The following KIAA0825 variants were observed in gnomAD, a reference collection of about 807,000 sequenced individuals.
The protein encoded by KIAA0825 is uncharacterized protein KIAA0825.
Under a neutral mutation model 147.6 loss-of-function variants are expected in KIAA0825, and 119 were observed. The observed-to-expected ratio is 0.81, with a 90% CI of 0.69 to 0.94. KIAA0825 has a LOEUF of 0.94. Ranked by LOEUF, KIAA0825 falls within the 40% of genes least tolerant of loss-of-function variation. The pLI, the probability that KIAA0825 is intolerant of heterozygous loss-of-function variation, is 0.00. For missense variants in KIAA0825, 1,381 were observed against 1,472.7 expected (o/e 0.94, Z 1.02); for synonymous variants, 470 against 518.1 (o/e 0.91, Z 1.26).
intron 2 of KIAA0825, among the ~76,000 whole-genome samples, chr5:94,553,597 T>C (rs1775966252): frequency 6.6e-6 from 1 of 150,878 alleles, no homozygotes; most frequent in Non-Finnish European, 1.5e-5. Context: ...AAACCCCATC[T>C]CTACTAAAAA....
chr5:94,522,016 A>G (rs993208034), intron 4 of KIAA0825, among the ~76,000 whole-genome samples: 1 of 151,808 alleles, frequency 6.6e-6, no homozygotes, highest in African/African-American at 2.4e-5. Context: ...TCTATCTGTA[A>G]TAAATAATTA....
chr5:94,517,032 C>T (rs950414228), intron 5 of KIAA0825, among the ~76,000 whole-genome samples: 1 of 151,940 alleles, frequency 6.6e-6, no homozygotes, highest in Admixed American at 6.6e-5. Flanking sequence ...ACCCAGGAGG[C>T]GGAGGTTGCA....
At chr5:94,457,744 C>T (rs1368283521) in intron 12 of KIAA0825, among the ~76,000 whole-genome samples, 1 of 152,198 alleles carries the variant, frequency 6.6e-6, no homozygotes, top group Non-Finnish European at 1.5e-5. Context: ...AACTGATGAG[C>T]TAAAAAGAGT....
chr5:94,471,112 A>G (rs1357880426), intron 9 of KIAA0825, among the ~76,000 whole-genome samples: 1 of 152,106 alleles, frequency 6.6e-6, no homozygotes, highest in Non-Finnish European at 1.5e-5. Context: ...CAACAAGTTT[A>G]TTTTTCCTTT....
intron 1 of KIAA0825, among the ~76,000 whole-genome samples, chr5:94,596,934 G>A (rs1199153537): frequency 6.6e-6 from 1 of 152,136 alleles, no homozygotes; most frequent in Non-Finnish European, 1.5e-5. Flanking sequence ...TTTGTATCCT[G>A]AAACTTTGCT....
chr5:94,591,768 T>C (rs1784393802), intron 1 of KIAA0825, among the ~76,000 whole-genome samples: 1 of 151,790 alleles, frequency 6.6e-6, no homozygotes. Context: ...GAAAAATAGG[T>C]TTAATGGACT....
intron 20 of KIAA0825, among the ~76,000 whole-genome samples, chr5:94,242,271 C>T (rs948490609): frequency 2.6e-5 from 4 of 152,214 alleles, no homozygotes; most frequent in African/African-American, 9.7e-5. Flanking sequence ...CAATTAGTTA[C>T]TAAATCCTGC....
chr5:94,415,288 T>A (rs1460564776), intron 15 of KIAA0825: 1 of 152,134 alleles, frequency 6.6e-6, no homozygotes, highest in Non-Finnish European at 1.5e-5. Context: ...TTAGTTAATC[T>A]GGGTAGGTTA....
At chr5:94,503,477 A>T (rs1254637061) in intron 5 of KIAA0825, among the ~76,000 whole-genome samples, 1 of 152,078 alleles carries the variant, frequency 6.6e-6, no homozygotes, top group Non-Finnish European at 1.5e-5. Context: ...CTCTGGTCCC[A>T]TTCCCTCCCT....
chr5:94,447,945 C>T (rs1302034056), intron 13 of KIAA0825, among the ~76,000 whole-genome samples: 5 of 151,954 alleles, frequency 3.3e-5, no homozygotes, highest in Admixed American at 3.3e-4. Flanking sequence ...ACTTCTTGGA[C>T]TCAGTGTACA....
intron 12 of KIAA0825, among the ~76,000 whole-genome samples, chr5:94,456,643 T>C (rs1759153772): frequency 6.6e-6 from 1 of 152,196 alleles, no homozygotes; most frequent in African/African-American, 2.4e-5. Flanking sequence ...CGTTTTCTCA[T>C]TTGTAAAATG....
In KIAA0825 at chr5:94,242,122, T is replaced by C. The variant is rs185005159; in HGVS notation, c.3711-87998A>G. 4.0e-3 allele frequency among the ~76,000 whole-genome samples: 606 copies of C among 152,332 alleles called. 5 individuals are homozygous for C. The highest frequency in any genetic ancestry group is 0.014 in the African/African-American group (586 of 41,578). On this transcript the variant is annotated intron_variant, in intron 20 of 20. Coordinates refer to ENST00000682413, the MANE Select transcript of KIAA0825 (RefSeq NM_001145678.3). ...TAGAAACTAAGTTGATTGACAGGTA[T>C]GTATAATGAACTTGCTTCCAAATTC... is the stretch of plus-strand genomic sequence containing the variant.
chr5:94,375,062 C>T (rs1019014444), intron 20 of KIAA0825, among the ~76,000 whole-genome samples: 3 of 134,874 alleles, frequency 2.2e-5, no homozygotes, highest in East Asian at 2.1e-4. Flanking sequence ...GATAAAGTCT[C>T]GCTCTGTCGC....
chr5:94,594,590 G>C, intron 1 of KIAA0825: 1 of 694,832 alleles, frequency 1.4e-6, no homozygotes, highest in East Asian at 2.6e-5. Context: ...GGATTGCTTT[G>C]GAATTTTTGG....
intron 1 of KIAA0825, among the ~76,000 whole-genome samples, chr5:94,603,519 G>T (rs1390521412): frequency 1.3e-5 from 2 of 152,114 alleles, no homozygotes; most frequent in Non-Finnish European, 2.9e-5. Flanking sequence ...CACATAAGAA[G>T]TGTGCATAAT....
At chr5:94,484,959 T>A in intron 5 of KIAA0825, 29 bp from the exon 6 acceptor site, 2 of 1,375,474 alleles carry the variant, frequency 1.5e-6, no homozygotes, top group South Asian at 1.7e-5. Context: ...AATACTGTCA[T>A]ACATTTTATT....
chr5:94,577,192 T>C (rs1781215393), intron 2 of KIAA0825, among the ~76,000 whole-genome samples: 1 of 152,204 alleles, frequency 6.6e-6, no homozygotes, highest in African/African-American at 2.4e-5. Flanking sequence ...GATCATTTTA[T>C]AGAACCATCT....
chr5:94,340,093 T>C (rs892688849), intron 20 of KIAA0825, among the ~76,000 whole-genome samples: 1 of 152,178 alleles, frequency 6.6e-6, no homozygotes, highest in Non-Finnish European at 1.5e-5. Flanking sequence ...ACATATGCTG[T>C]GTTTTTAACC....
intron 20 of KIAA0825, among the ~76,000 whole-genome samples, chr5:94,211,091 C>T (rs1389875760): frequency 6.6e-6 from 1 of 152,036 alleles, no homozygotes; most frequent in Non-Finnish European, 1.5e-5. Flanking sequence ...TTTTCTCTGG[C>T]CTTCTCAGTG....
Sources: gnomAD v4.1 joint callset for allele counts (sites outside exome capture counted in the v4.1 genomes callset) on GRCh38, gnomAD v4.1.1 for gene constraint, MANE v1.5 for transcripts, NCBI Gene and HGNC (gene_info 2026-07-23, HGNC 2026-07-21) for gene names.